ACTR3C: variants seen among roughly 807,000 people sequenced by gnomAD.
ACTR3C encodes actin-related protein 3C.
ACTR3C carries 18 observed loss-of-function variants against 26.3 expected under a neutral mutation model. That is an observed-to-expected ratio of 0.68 (90% CI 0.47 to 1.01). The LOEUF (loss-of-function observed/expected upper bound fraction) is 1.01, where lower values mean the gene tolerates loss of function less well. Among genes scored for constraint, ACTR3C ranks in the 50% least tolerant of loss-of-function variants. The pLI, the probability that ACTR3C is intolerant of heterozygous loss-of-function variation, is 0.00. For synonymous variants in ACTR3C, 55 were observed against 94.5 expected (o/e 0.58, Z 2.42); for missense variants, 184 against 250.7 (o/e 0.73, Z 1.80).
At chr7:150,163,986 A>C in the ACTR3C span, among the ~76,000 whole-genome samples, 1 of 152,250 alleles carries the variant, frequency 6.6e-6, no homozygotes, top group Non-Finnish European at 1.5e-5. Flanking sequence ...TGACACATTA[A>C]GTTAACCATC....
chr7:150,303,182 G>A (rs1584972692), intron 1 of ACTR3C, among the ~76,000 whole-genome samples: 1 of 152,362 alleles, frequency 6.6e-6, no homozygotes, highest in East Asian at 1.9e-4. Flanking sequence ...AAAAGCTGGA[G>A]AATGGTTGCC....
chr7:150,100,797 C>T, the ACTR3C span, among the ~76,000 whole-genome samples: 3 of 151,276 alleles, frequency 2.0e-5, no homozygotes, highest in Non-Finnish European at 4.4e-5. Flanking sequence ...TCCCCCTCCC[C>T]GGGCTCAAGC....
the ACTR3C span, among the ~76,000 whole-genome samples, chr7:150,122,572 A>G: frequency 1.3e-5 from 2 of 152,374 alleles, no homozygotes; most frequent in Non-Finnish European, 2.9e-5. Flanking sequence ...GGCGATCATT[A>G]AAAAGTCAGG....
chr7:150,239,536 C>CTATATATA (rs1306541257), downstream of ACTR3C, among the ~76,000 whole-genome samples: 38 of 112,954 alleles, frequency 3.4e-4, no homozygotes, highest in Admixed American at 1.5e-3. Flanking sequence ...CTCTCTCTCT[C>CTATATATA]TCTCTATATA....
chr7:150,160,896 G>A, the ACTR3C span, among the ~76,000 whole-genome samples: 1 of 146,678 alleles, frequency 6.8e-6, no homozygotes, highest in Admixed American at 6.9e-5. Context: ...AGAATTCAGA[G>A]AAGGCAGAGA....
At chr7:150,173,517 C>T in the ACTR3C span, among the ~76,000 whole-genome samples, 1 of 148,786 alleles carries the variant, frequency 6.7e-6, no homozygotes, top group Non-Finnish European at 1.5e-5. Context: ...AAACCATTTT[C>T]TTCTAGGCCT....
chr7:150,322,945 TC>T (rs1024421915), intron 1 of ACTR3C: 4 of 152,262 alleles, frequency 2.6e-5, no homozygotes, highest in African/African-American at 9.7e-5. Flanking sequence ...GCGGACGAGG[TC>T]CGGGTCGCAC....
the ACTR3C span, chr7:150,000,979 C>T: frequency 5.2e-5 from 8 of 152,460 alleles, no homozygotes; most frequent in South Asian, 1.7e-3. Flanking sequence ...CGAGCACAGC[C>T]CTGACATTAC....
At chr7:150,019,896 C>G in the ACTR3C span, among the ~76,000 whole-genome samples, 1 of 152,140 alleles carries the variant, frequency 6.6e-6, no homozygotes, top group African/African-American at 2.4e-5. Context: ...CATAATGATA[C>G]TGAAAGTTTT....
the ACTR3C span, among the ~76,000 whole-genome samples, chr7:150,109,646 A>G: frequency 6.7e-6 from 1 of 149,078 alleles, no homozygotes; most frequent in Non-Finnish European, 1.5e-5. Context: ...AAATCATTCT[A>G]GGGACCCCTT....
chr7:149,926,429 C>T, the ACTR3C span, among the ~76,000 whole-genome samples: 7 of 152,242 alleles, frequency 4.6e-5, no homozygotes, highest in South Asian at 4.2e-4. Flanking sequence ...TGGCAAACAA[C>T]GTGGTTTATG....
the ACTR3C span, among the ~76,000 whole-genome samples, chr7:150,118,331 C>A: frequency 6.6e-6 from 1 of 151,830 alleles, no homozygotes; most frequent in Non-Finnish European, 1.5e-5. Flanking sequence ...AAGCTAAGAA[C>A]TTTGATAAAA....
the ACTR3C span, among the ~76,000 whole-genome samples, chr7:150,101,523 G>C: frequency 6.6e-6 from 1 of 151,678 alleles, no homozygotes; most frequent in Non-Finnish European, 1.5e-5. Flanking sequence ...AAACAATACA[G>C]CTCAGGTCCT....
At chr7:150,068,457 A>G in the ACTR3C span, among the ~76,000 whole-genome samples, 6 of 152,038 alleles carry the variant, frequency 3.9e-5, no homozygotes, top group Non-Finnish European at 5.9e-5. Context: ...GTCAAATCAG[A>G]TATCCAATTT....
chr7:149,882,493 T>C, the ACTR3C span, among the ~76,000 whole-genome samples: 1 of 152,106 alleles, frequency 6.6e-6, no homozygotes, highest in African/African-American at 2.4e-5. Flanking sequence ...TTCTCACATC[T>C]TCCATCCTTC....
intron 1 of ACTR3C, among the ~76,000 whole-genome samples, chr7:150,316,821 C>G (rs1457664869): frequency 2.6e-5 from 4 of 152,072 alleles, no homozygotes; most frequent in Non-Finnish European, 5.9e-5. Context: ...TGGAATTTTT[C>G]CTGGGATTAC....
At chr7:150,266,301 A>C in intron 6 of ACTR3C, among the ~76,000 whole-genome samples, 1 of 146,820 alleles carries the variant, frequency 6.8e-6, no homozygotes, top group Non-Finnish European at 1.5e-5. Flanking sequence ...ATTTTAGACA[A>C]AGTCATCAGG....
the ACTR3C span, among the ~76,000 whole-genome samples, chr7:150,048,600 C>G: frequency 1.5e-4 from 23 of 151,950 alleles, no homozygotes; most frequent in Non-Finnish European, 3.2e-4. Flanking sequence ...TCGAGGCAGG[C>G]AGGCCGGCCA....
chr7:150,212,266 A>G, the ACTR3C span, among the ~76,000 whole-genome samples: 1 of 147,980 alleles, frequency 6.8e-6, no homozygotes, highest in Non-Finnish European at 1.5e-5. Flanking sequence ...CATTTGAGGT[A>G]TAGCTTTTGA....
Sources: allele counts gnomAD v4.1 joint callset (sites outside exome capture counted in the v4.1 genomes callset), GRCh38; gene constraint gnomAD v4.1.1; transcripts MANE v1.5; gene names NCBI Gene and HGNC (gene_info 2026-07-23, HGNC 2026-07-21).